The following ANAPC1 variants were observed in gnomAD, a reference collection of about 807,000 sequenced individuals.
The protein encoded by ANAPC1 is anaphase-promoting complex subunit 1.
A neutral mutation model predicts 208.0 loss-of-function variants in ANAPC1; 36 were observed. The observed-to-expected ratio is 0.17, with a 90% CI of 0.13 to 0.23. The LOEUF (loss-of-function observed/expected upper bound fraction) is 0.23, where lower values mean the gene tolerates loss of function less well. Among genes scored for constraint, ANAPC1 ranks in the 10% least tolerant of loss-of-function variants. ANAPC1 has a pLI of 1.00. For synonymous variants in ANAPC1, 378 were observed against 695.2 expected (o/e 0.54, Z 7.18); for missense variants, 942 against 2,011.6 (o/e 0.47, Z 10.17).
chr2:111,849,025 G>C (rs918978256), intron 14 of ANAPC1, among the ~76,000 whole-genome samples: 1 of 152,184 alleles, frequency 6.6e-6, no homozygotes, highest in African/African-American at 2.4e-5. Context: ...CTCTAGTCAT[G>C]ACCACTGATC....
At chr2:111,841,021 C>T (rs931336282) in intron 17 of ANAPC1, among the ~76,000 whole-genome samples, 7 of 152,216 alleles carry the variant, frequency 4.6e-5, no homozygotes, top group South Asian at 2.1e-4. Flanking sequence ...CCAGCCTAGA[C>T]GACAGAGCGA....
chr2:111,790,072 T>C (rs1204188179), intron 38 of ANAPC1, among the ~76,000 whole-genome samples: 3 of 152,272 alleles, frequency 2.0e-5, no homozygotes, highest in African/African-American at 7.2e-5. Context: ...GTTCCAATGG[T>C]AAGCTCAGTC....
At chr2:111,784,477 A>C in intron 40 of ANAPC1, 77 bp from the exon 41 acceptor site, 1 of 1,549,582 alleles carries the variant, frequency 6.5e-7, no homozygotes, top group South Asian at 1.1e-5. Context: ...TCTCCACGCT[A>C]TACCTCCCCC....
intron 19 of ANAPC1, 62 bp from the exon 20 acceptor site, chr2:111,833,373 A>T: frequency 6.7e-7 from 1 of 1,487,236 alleles, no homozygotes; most frequent in Non-Finnish European, 9.1e-7. Flanking sequence ...ACAGAATTGG[A>T]AGGATTGATT....
At chr2:111,825,902 C>T (rs777191859) in intron 21 of ANAPC1, 47 bp from the exon 22 acceptor site, 6 of 1,572,250 alleles carry the variant, frequency 3.8e-6, no homozygotes, top group Middle Eastern at 1.7e-4. Flanking sequence ...TCAGAGACAG[C>T]ATCTCACTTT....
chr2:111,863,145 G>A (rs1274586858), intron 9 of ANAPC1, among the ~76,000 whole-genome samples: 1 of 152,062 alleles, frequency 6.6e-6, no homozygotes, highest in South Asian at 2.1e-4. Context: ...CTAACCTTAG[G>A]TCAAGCATAG....
chr2:111,856,733 G>C, intron 12 of ANAPC1, 54 bp from the exon 13 acceptor site: 1 of 1,613,318 alleles, frequency 6.2e-7, no homozygotes, highest in Non-Finnish European at 8.5e-7. Context: ...CAAATTAACA[G>C]ATTTTTTGAC....
At chr2:111,854,820 G>A (rs1435705120) in intron 13 of ANAPC1, among the ~76,000 whole-genome samples, 1 of 152,158 alleles carries the variant, frequency 6.6e-6, no homozygotes, top group Non-Finnish European at 1.5e-5. Flanking sequence ...TTGATCTTCT[G>A]TCCAGACACT....
At chr2:111,832,943 A>AAAAAAAAAAAAAAAAAAAC (rs1680235448) in intron 20 of ANAPC1, among the ~76,000 whole-genome samples, 1 of 149,180 alleles carries the variant, frequency 6.7e-6, no homozygotes, top group Non-Finnish European at 1.5e-5. Context: ...GTCTCAAAAA[A>AAAAAAAAAAAAAAAAAAAC]AAAAAAAAAA....
intron 16 of ANAPC1, 127 bp downstream of exon 16, chr2:111,847,011 A>C: frequency 5.5e-6 from 4 of 728,312 alleles, no homozygotes; most frequent in Non-Finnish European, 9.2e-6. Context: ...AGCTCTTTAA[A>C]GCTCCTCTAC....
At chr2:111,810,301 GT>G (rs1414152907) in intron 28 of ANAPC1, among the ~76,000 whole-genome samples, 2 of 140,956 alleles carry the variant, frequency 1.4e-5, no homozygotes, top group African/African-American at 5.2e-5. Flanking sequence ...TGAAGTGAAG[GT>G]GGGGGGGGGT....
chr2:111,770,225 AT>A (rs1676662393), intron 47 of ANAPC1, among the ~76,000 whole-genome samples: 3 of 106,478 alleles, frequency 2.8e-5, no homozygotes, highest in Admixed American at 9.5e-5. Flanking sequence ...ATATATATAT[AT>A]ATAAATTCTT....
intron 42 of ANAPC1, among the ~76,000 whole-genome samples, chr2:111,783,588 C>T (rs1677399660): frequency 6.6e-6 from 1 of 152,230 alleles, no homozygotes; most frequent in Admixed American, 6.5e-5. Flanking sequence ...TGGACTAATA[C>T]ACTTTCTTAA....
At chr2:111,875,634 C>CTT (rs1682984455) in intron 3 of ANAPC1, among the ~76,000 whole-genome samples, 3 of 152,148 alleles carry the variant, frequency 2.0e-5, no homozygotes, top group Non-Finnish European at 4.4e-5. Flanking sequence ...AATCTCTTCT[C>CTT]AAAACACAAA....
chr2:111,830,819 GAA>G (rs1366524478), intron 21 of ANAPC1, among the ~76,000 whole-genome samples: 6 of 152,176 alleles, frequency 3.9e-5, no homozygotes, highest in Non-Finnish European at 5.9e-5. Context: ...AGCCACTCTG[GAA>G]AACAGATGAC....
At chr2:111,810,814 T>C (rs1043600773) in intron 28 of ANAPC1, among the ~76,000 whole-genome samples, 11 of 122,342 alleles carry the variant, frequency 9.0e-5, no homozygotes, top group African/African-American at 2.6e-4. Context: ...ACCTGGGAGG[T>C]AGAGGTTGCA....
chr2:111,771,343 T>A (rs1030539166), intron 47 of ANAPC1, among the ~76,000 whole-genome samples: 10 of 152,006 alleles, frequency 6.6e-5, no homozygotes, highest in African/African-American at 2.4e-4. Context: ...TATCATTAAG[T>A]AACTCAAGGG....
intron 17 of ANAPC1, among the ~76,000 whole-genome samples, chr2:111,842,765 C>T (rs981273257): frequency 1.3e-5 from 2 of 151,636 alleles, no homozygotes; most frequent in African/African-American, 4.8e-5. Flanking sequence ...GTGACCCAGG[C>T]AAAGTTGTCC....
chr2:111,877,806 C>CAAT (rs936054214), intron 3 of ANAPC1, among the ~76,000 whole-genome samples: 7 of 151,762 alleles, frequency 4.6e-5, no homozygotes, highest in Admixed American at 1.3e-4. Flanking sequence ...AATAAATAAA[C>CAAT]AATAATAATA....
Sources: allele counts gnomAD v4.1 joint callset (sites outside exome capture counted in the v4.1 genomes callset), GRCh38; gene constraint gnomAD v4.1.1; transcripts MANE v1.5; gene names NCBI Gene and HGNC (gene_info 2026-07-23, HGNC 2026-07-21).